MARCHF1: variants seen among roughly 807,000 people sequenced by gnomAD.
MARCHF1 encodes the protein membrane associated ring-CH-type finger 1.
Under a neutral mutation model 54.2 loss-of-function variants are expected in MARCHF1, and 40 were observed. The ratio of observed to expected loss-of-function variants is 0.74; its 90% confidence interval spans 0.57 to 0.96. MARCHF1 has a LOEUF of 0.96. MARCHF1 is among the 40% of genes least tolerant of loss of function. The pLI, the probability that MARCHF1 is intolerant of heterozygous loss-of-function variation, is 0.00. For synonymous variants in MARCHF1, 236 were observed against 236.3 expected (o/e 1.00, Z 0.01); for missense variants, 586 against 656.5 (o/e 0.89, Z 1.17).
intron 1 of MARCHF1, among the ~76,000 whole-genome samples, chr4:164,236,869 T>C (rs954644309): frequency 6.6e-6 from 1 of 152,286 alleles, no homozygotes; most frequent in South Asian, 2.1e-4. Flanking sequence ...CTAAAAACTG[T>C]GAATTTTATA....
At chr4:163,858,814 C>G (rs1749840217) in intron 3 of MARCHF1, among the ~76,000 whole-genome samples, 1 of 152,220 alleles carries the variant, frequency 6.6e-6, no homozygotes. Flanking sequence ...ACACACAGTC[C>G]TTACACATGA....
At chr4:163,687,390 G>A (rs1464682353) in intron 5 of MARCHF1, among the ~76,000 whole-genome samples, 1 of 151,998 alleles carries the variant, frequency 6.6e-6, no homozygotes, top group Non-Finnish European at 1.5e-5. Context: ...ACCACGCCTG[G>A]CTAATTTTTG....
intron 5 of MARCHF1, among the ~76,000 whole-genome samples, chr4:163,682,244 T>C (rs1023127355): frequency 3.3e-5 from 5 of 152,138 alleles, no homozygotes; most frequent in Admixed American, 6.5e-5. Context: ...CAGCAAAGTA[T>C]TCGAGAGGAA....
At chr4:164,245,240 C>T (rs1732908985) in intron 1 of MARCHF1, among the ~76,000 whole-genome samples, 1 of 152,168 alleles carries the variant, frequency 6.6e-6, no homozygotes, top group African/African-American at 2.4e-5. Context: ...TCCAGCAGCA[C>T]ATCAAAAAGC....
intron 3 of MARCHF1, among the ~76,000 whole-genome samples, chr4:163,951,963 C>T (rs914483554): frequency 2.6e-5 from 4 of 152,050 alleles, no homozygotes; most frequent in African/African-American, 9.7e-5. Context: ...CCCGTGTTTC[C>T]TTGTTTTTCA....
chr4:164,236,560 C>T (rs761177975), intron 1 of MARCHF1, among the ~76,000 whole-genome samples: 2 of 151,998 alleles, frequency 1.3e-5, no homozygotes, highest in Non-Finnish European at 2.9e-5. Context: ...TGCTTGTTCA[C>T]GGCATGAGAT....
At chr4:164,241,985 G>A (rs879762571) in intron 1 of MARCHF1, among the ~76,000 whole-genome samples, 3 of 152,176 alleles carry the variant, frequency 2.0e-5, no homozygotes, top group Non-Finnish European at 2.9e-5. Context: ...CTATGCCCAC[G>A]GAGACTCACT....
At chr4:163,845,416 G>A (rs1036939279) in intron 4 of MARCHF1, among the ~76,000 whole-genome samples, 1 of 147,876 alleles carries the variant, frequency 6.8e-6, no homozygotes, top group African/African-American at 2.5e-5. Context: ...GAAACCTTTG[G>A]CATCTTTGTT....
chr4:164,098,417 G>T (rs1755462190), intron 2 of MARCHF1, among the ~76,000 whole-genome samples: 1 of 152,134 alleles, frequency 6.6e-6, no homozygotes, highest in South Asian at 2.1e-4. Flanking sequence ...TGTTTGGAAG[G>T]ACAAGATGAA....
chr4:164,045,680 TA>T (rs10559720), intron 2 of MARCHF1, among the ~76,000 whole-genome samples: 40,024 of 142,858 alleles, frequency 0.28, 5,649 homozygotes, highest in Non-Finnish European at 0.31. Context: ...TCTGGCTTAG[TA>T]AAAAAAAAAA....
At chr4:164,032,954 G>A (rs1290390291) in intron 2 of MARCHF1, among the ~76,000 whole-genome samples, 2 of 152,108 alleles carry the variant, frequency 1.3e-5, no homozygotes, top group African/African-American at 4.8e-5. Flanking sequence ...TACCAAAACA[G>A]ACATATAGAC....
chr4:163,539,124 G>A (rs771887317), intron 9 of MARCHF1, among the ~76,000 whole-genome samples: 11 of 152,024 alleles, frequency 7.2e-5, no homozygotes, highest in Non-Finnish European at 1.3e-4. Flanking sequence ...GGGTTTAAGA[G>A]ATTTCCTGGC....
At chr4:163,902,939 C>G (rs190605803) in intron 3 of MARCHF1, among the ~76,000 whole-genome samples, 1 of 152,078 alleles carries the variant, frequency 6.6e-6, no homozygotes, top group Non-Finnish European at 1.5e-5. Context: ...CCTTTCCCTT[C>G]GAGAGGCACA....
chr4:163,838,219 GT>G, intron 4 of MARCHF1, among the ~76,000 whole-genome samples: 1 of 152,188 alleles, frequency 6.6e-6, no homozygotes, highest in Middle Eastern at 3.4e-3. Context: ...GGATGGTCAG[GT>G]TCCTGATGTA....
intron 4 of MARCHF1, among the ~76,000 whole-genome samples, chr4:163,761,764 A>G (rs78667002): frequency 0.012 from 1,787 of 145,274 alleles, 43 homozygotes; most frequent in African/African-American, 0.043. Context: ...TTTATGATCT[A>G]ATAAAATATT....
rs560026239 is a variant in MARCHF1, at chr4:164,254,365, T to C, written c.-323+129505A>G. Among the ~76,000 whole-genome samples the C allele has an allele frequency of 2.7e-3, 400 of 148,548 alleles. 1 individual carries two copies. The highest frequency in any genetic ancestry group is 4.5e-3 in the Non-Finnish European group (302 of 67,744). On this transcript the variant is annotated intron_variant, in intron 1 of 9. Transcript: ENST00000514618. The stretch of plus-strand genomic sequence containing the variant: ...AGGATATTATATATATAAACTCCCC[T>C]TTATATAAAGTTAATACTTAACAAA...
chr4:163,608,004 T>A (rs1321499984), intron 7 of MARCHF1, among the ~76,000 whole-genome samples: 3 of 152,106 alleles, frequency 2.0e-5, no homozygotes, highest in Admixed American at 1.3e-4. Context: ...AGTGCTATGA[T>A]TTTGCATCCT....
At chr4:164,044,629 G>A (rs1202595740) in intron 2 of MARCHF1, among the ~76,000 whole-genome samples, 1 of 152,020 alleles carries the variant, frequency 6.6e-6, no homozygotes, top group East Asian at 1.9e-4. Flanking sequence ...AGCAGGTGGT[G>A]GATGACTGGA....
At chr4:164,314,379 C>G (rs185991840) in intron 1 of MARCHF1, among the ~76,000 whole-genome samples, 27 of 152,308 alleles carry the variant, frequency 1.8e-4, no homozygotes, top group African/African-American at 6.0e-4. Context: ...TAGCTGCTCT[C>G]TCTTACCACC....
Sources: allele counts gnomAD v4.1 joint callset (sites outside exome capture counted in the v4.1 genomes callset), GRCh38; gene constraint gnomAD v4.1.1; transcripts MANE v1.5; gene names NCBI Gene and HGNC (gene_info 2026-07-23, HGNC 2026-07-21).